The following PCDHA11 variants were observed in gnomAD, a reference collection of about 807,000 sequenced individuals.
PCDHA11 encodes the protein protocadherin alpha-11.
A neutral mutation model predicts 70.3 loss-of-function variants in PCDHA11; 61 were observed. The ratio of observed to expected loss-of-function variants is 0.87; its 90% CI spans 0.71 to 1.07. PCDHA11 has a LOEUF of 1.07. Among genes scored for constraint, PCDHA11 ranks in the 50% least tolerant of loss-of-function variants. The probability of loss-of-function intolerance (pLI) is 0.00; values close to 1 mark genes in which losing one functional copy is unlikely to be tolerated. For synonymous variants in PCDHA11, 633 were observed against 555.1 expected (o/e 1.14, Z -1.97); for missense variants, 1,324 against 1,237.5 (o/e 1.07, Z -1.05).
At chr5:140,888,983 T>C (rs193278447) in intron 1 of PCDHA11, among the ~76,000 whole-genome samples, 22 of 152,266 alleles carry the variant, frequency 1.4e-4, no homozygotes, top group African/African-American at 5.1e-4. Flanking sequence ...AATTTATGAT[T>C]TATGATTTTC....
At chr5:140,949,628 C>G (rs974912926) in intron 1 of PCDHA11, among the ~76,000 whole-genome samples, 18 of 151,706 alleles carry the variant, frequency 1.2e-4, no homozygotes, top group African/African-American at 4.1e-4. Context: ...GTTTTCATGG[C>G]ATATTGCTTT....
At chr5:140,916,009 C>CA (rs541727470) in intron 1 of PCDHA11, among the ~76,000 whole-genome samples, 78 of 152,190 alleles carry the variant, frequency 5.1e-4, no homozygotes, top group Non-Finnish European at 9.6e-4. Flanking sequence ...AACCACAAGA[C>CA]AAAGTCTTTC....
In PCDHA11 at chr5:140,908,379, G is replaced by A. The variant is rs553504980; in HGVS notation, c.2391+36885G>A. Among the ~76,000 whole-genome samples the A allele has an allele frequency of 7.2e-5, 11 of 152,198 alleles. No individual in the cohort carries two copies. In the South Asian group the frequency reaches 1.2e-3, roughly 17 times the overall value. On this transcript the variant is annotated intron_variant, in intron 1 of 3. Coordinates refer to ENST00000398640, the MANE Select transcript of PCDHA11 (RefSeq NM_018902.5). ...TTACTTGTGCCTTCAGGACCTGCTC[G>A]AGCCCGATCACATATATACCACTTC...
In PCDHA11 at chr5:140,936,000, C is replaced by T. The variant is rs370629183; in HGVS notation, c.2392-42949C>T. Among the ~76,000 whole-genome samples, 13 of 150,536 alleles carry T rather than the reference C, an allele frequency of 8.6e-5. No homozygotes were observed. In the East Asian group the frequency reaches 1.6e-3, roughly 18 times the overall value. ...CTCTGCCTCCCGGGTTCAAGCGATT[C>T]TCCCACCTCAGCCTCCCGAGTAGCG... On this transcript the variant is annotated intron_variant, in intron 1 of 3. Coordinates refer to ENST00000398640, the MANE Select transcript of PCDHA11 (RefSeq NM_018902.5).
At chr5:140,909,327 G>A (rs2074440684) in intron 1 of PCDHA11, among the ~76,000 whole-genome samples, 1 of 152,216 alleles carries the variant, frequency 6.6e-6, no homozygotes. Context: ...CCAAATCAAT[G>A]GTTGCATACC....
intron 1 of PCDHA11, among the ~76,000 whole-genome samples, chr5:140,951,423 C>T (rs1324305371): frequency 6.6e-6 from 1 of 152,014 alleles, no homozygotes; most frequent in Non-Finnish European, 1.5e-5. Flanking sequence ...CTCACAGTTC[C>T]ACAGGCTGTA....
intron 1 of PCDHA11, among the ~76,000 whole-genome samples, chr5:140,949,007 A>T (rs1300926078): frequency 6.6e-6 from 1 of 151,692 alleles, no homozygotes; most frequent in Non-Finnish European, 1.5e-5. Flanking sequence ...TAATTTTTAT[A>T]TGTGATGTTT....
intron 1 of PCDHA11, among the ~76,000 whole-genome samples, chr5:140,930,604 G>C (rs2086982661): frequency 6.6e-6 from 1 of 152,108 alleles, no homozygotes; most frequent in South Asian, 2.1e-4. Flanking sequence ...AGAAATCCTA[G>C]ATGCAAGAGA....
chr5:140,990,136 A>C (rs996616541), intron 3 of PCDHA11, among the ~76,000 whole-genome samples: 1 of 152,198 alleles, frequency 6.6e-6, no homozygotes, highest in African/African-American at 2.4e-5. Context: ...GTCAGACTCA[A>C]GAGGCATAAT....
At chr5:140,894,223 T>C (rs2064371572) in intron 1 of PCDHA11, among the ~76,000 whole-genome samples, 1 of 152,124 alleles carries the variant, frequency 6.6e-6, no homozygotes. Context: ...ATTTTAAAGA[T>C]GTTGAATGAC....
At chr5:140,883,211 T>C in intron 1 of PCDHA11, 1 of 1,613,738 alleles carries the variant, frequency 6.2e-7, no homozygotes, top group Non-Finnish European at 8.5e-7. Context: ...AGAAAAGAAA[T>C]TATATGAAAT....
chr5:140,937,362 C>A lies in PCDHA11; in HGVS notation c.2392-41587C>A, dbSNP rs151333453. On this transcript the variant is annotated intron_variant, in intron 1 of 3. Coordinates refer to ENST00000398640, the MANE Select transcript of PCDHA11 (RefSeq NM_018902.5). ...TCTTCCATTTATTTTATTATTTTAT[C>A]TTAATGTTTATGTGTGTGTATGTGT... Among the ~76,000 whole-genome samples the A allele has an allele frequency of 4.1e-4, 62 of 152,138 alleles. No individual in the cohort carries two copies. In the East Asian group the frequency reaches 0.01, roughly 25 times the overall value.
At chr5:140,889,835 C>A (rs899287696) in intron 1 of PCDHA11, among the ~76,000 whole-genome samples, 10 of 152,080 alleles carry the variant, frequency 6.6e-5, no homozygotes, top group African/African-American at 2.2e-4. Context: ...TTACAGTATG[C>A]TTTGGTCTCT....
At chr5:140,885,453 C>T (rs1269332427) in intron 1 of PCDHA11, among the ~76,000 whole-genome samples, 3 of 152,100 alleles carry the variant, frequency 2.0e-5, no homozygotes, top group African/African-American at 7.2e-5. Flanking sequence ...ATATTATTTA[C>T]CTAATGATGG....
At chr5:140,999,526 C>A (rs1429753507) in intron 3 of PCDHA11, among the ~76,000 whole-genome samples, 2 of 152,026 alleles carry the variant, frequency 1.3e-5, no homozygotes, top group Non-Finnish European at 2.9e-5. Context: ...TTTGTTACCC[C>A]CTGGATATGA....
chr5:140,884,579 G>A (rs1035826331), intron 1 of PCDHA11: 5 of 1,614,058 alleles, frequency 3.1e-6, no homozygotes, highest in Admixed American at 1.7e-5. Flanking sequence ...GGACCTCATG[G>A]CCTTCAGTCC....
At chr5:140,950,997 A>G (rs782438146) in intron 1 of PCDHA11, among the ~76,000 whole-genome samples, 6 of 151,460 alleles carry the variant, frequency 4.0e-5, no homozygotes, top group Non-Finnish European at 7.4e-5. Flanking sequence ...TTTTAGCTCC[A>G]TTTTTCCCAA....
chr5:140,941,619 C>T (rs1300512502), intron 1 of PCDHA11, among the ~76,000 whole-genome samples: 1 of 151,848 alleles, frequency 6.6e-6, no homozygotes, highest in African/African-American at 2.4e-5. Flanking sequence ...CCAGCCCATC[C>T]TGCTTCTTAA....
At chr5:140,878,093 G>C (rs1209778256) in intron 1 of PCDHA11, 1 of 292,952 alleles carries the variant, frequency 3.4e-6, no homozygotes, top group Non-Finnish European at 6.0e-6. Context: ...TTATATGACT[G>C]ATGAACCTTG....
Sources: allele counts gnomAD v4.1 joint callset (sites outside exome capture counted in the v4.1 genomes callset), GRCh38; gene constraint gnomAD v4.1.1; transcripts MANE v1.5; gene names NCBI Gene and HGNC (gene_info 2026-07-23, HGNC 2026-07-21).